Variants in ABCC4 observed in about 807,000 individuals in gnomAD.
ABCC4 encodes the protein ATP binding cassette subfamily C member 4 (PEL blood group).
In ABCC4, 102 loss-of-function variants were observed where a neutral mutation model predicts 168.5. That is an observed-to-expected ratio of 0.61 (90% CI 0.52 to 0.71). ABCC4 has a LOEUF of 0.71. ABCC4 is among the 30% of genes least tolerant of loss of function. ABCC4 has a pLI of 0.00. For synonymous variants in ABCC4, 617 were observed against 590.7 expected, an observed-to-expected ratio of 1.04 and a Z score of -0.65; for missense variants, 1,402 against 1,605.8, an observed-to-expected ratio of 0.87 and a Z score of 2.17.
chr13:95,111,363 C>T (rs1370563469), intron 20 of ABCC4, among the ~76,000 whole-genome samples: 1 of 152,184 alleles, frequency 6.6e-6, no homozygotes, highest in East Asian at 1.9e-4. Flanking sequence ...TCTGATTAGC[C>T]CATGGCAACC....
chr13:95,052,811 A>C (rs1216601777), intron 27 of ABCC4, among the ~76,000 whole-genome samples: 2 of 152,220 alleles, frequency 1.3e-5, no homozygotes, highest in East Asian at 3.8e-4. Context: ...TCAACTCATA[A>C]ATACAACTTC....
At chr13:95,089,500 C>T (rs1259239768) in intron 20 of ABCC4, among the ~76,000 whole-genome samples, 2 of 152,124 alleles carry the variant, frequency 1.3e-5, no homozygotes, top group Non-Finnish European at 2.9e-5. Flanking sequence ...CACCTGTAAT[C>T]CCAGCTACTT....
chr13:95,116,015 A>T lies in ABCC4; in HGVS notation c.2456-14T>A, dbSNP rs368435331. The stretch of plus-strand genomic sequence containing the variant: ...TTAAAATTCTTCCTGCAAGAACAGG[A>T]TATGAAAAATTACTCATTTCCCCAG... On this transcript the variant is annotated splice_polypyrimidine_tract_variant and intron_variant, in intron 19 of 30. Coordinates refer to ENST00000645237, the MANE Select transcript of ABCC4 (RefSeq NM_005845.5). 41 of 1,597,664 alleles carry T rather than the reference A, an allele frequency of 2.6e-5. No individual in the cohort carries two copies. Among genetic ancestry groups the T allele is most frequent in the Non-Finnish European group, 3.1e-5 (36 of 1,170,382 alleles).
At chr13:95,164,822 G>A (rs1404983100) in intron 15 of ABCC4, among the ~76,000 whole-genome samples, 1 of 152,098 alleles carries the variant, frequency 6.6e-6, no homozygotes, top group Non-Finnish European at 1.5e-5. Flanking sequence ...AGCCTCCTGA[G>A]TAGCAGGGAT....
At chr13:95,035,087 T>C (rs566718661) in intron 29 of ABCC4, among the ~76,000 whole-genome samples, 82 of 152,324 alleles carry the variant, frequency 5.4e-4, no homozygotes, top group African/African-American at 1.8e-3. Context: ...GGGGTATTTA[T>C]ACATATGATC....
At chr13:95,131,181 G>T (rs1449778224) in intron 19 of ABCC4, among the ~76,000 whole-genome samples, 1 of 152,130 alleles carries the variant, frequency 6.6e-6, no homozygotes, top group African/African-American at 2.4e-5. Flanking sequence ...AAGGAGTTAA[G>T]AAACTGTAAA....
At position 95,155,748 on chromosome 13, in the gene ABCC4, C is replaced by T. The variant is rs540900303; in HGVS notation, c.2455+5441G>A. Among the ~76,000 whole-genome samples the T allele has an allele frequency of 4.5e-4, 68 of 152,182 alleles. 1 individual carries two copies. In the South Asian group the frequency reaches 0.013, roughly 30 times the overall value. On this transcript the variant is annotated intron_variant, in intron 19 of 30. Transcript: ENST00000645237. ...TGAGAGAGTAAACAAACACTTCTAC[C>T]AACACCAGCTCTTGGGTTCTTAAAG...
intron 14 of ABCC4, among the ~76,000 whole-genome samples, chr13:95,167,536 A>C (rs1355100327): frequency 6.6e-6 from 1 of 152,176 alleles, no homozygotes; most frequent in South Asian, 2.1e-4. Flanking sequence ...CACTGAGGAA[A>C]ATCCAACGAC....
chr13:95,177,592 TG>T, intron 13 of ABCC4, 114 bp downstream of exon 13: 2 of 744,532 alleles, frequency 2.7e-6, no homozygotes, highest in Non-Finnish European at 2.2e-6. Context: ...GGGGACAGTG[TG>T]GGGAGGGGAG....
chr13:95,285,121 G>A (rs1173929027), intron 1 of ABCC4, among the ~76,000 whole-genome samples: 3 of 152,126 alleles, frequency 2.0e-5, no homozygotes, highest in African/African-American at 7.2e-5. Flanking sequence ...GGTGGCACAT[G>A]CCTGCAATCC....
At chr13:95,193,293 G>A (rs1445962397) in intron 9 of ABCC4, among the ~76,000 whole-genome samples, 6 of 152,188 alleles carry the variant, frequency 3.9e-5, no homozygotes, top group African/African-American at 9.7e-5. Context: ...AAGAGCACCC[G>A]GAGAGGGGAG....
At chr13:95,037,787 C>A (rs1190273598) in intron 29 of ABCC4, among the ~76,000 whole-genome samples, 1 of 152,186 alleles carries the variant, frequency 6.6e-6, no homozygotes, top group African/African-American at 2.4e-5. Context: ...CTTTCCACTA[C>A]AATTTGAGTC....
At chr13:95,226,961 T>C (rs961397523) in intron 4 of ABCC4, among the ~76,000 whole-genome samples, 3 of 152,228 alleles carry the variant, frequency 2.0e-5, no homozygotes, top group Non-Finnish European at 4.4e-5. Context: ...TAGTATCACA[T>C]AGGAGCTTTT....
At chr13:95,061,680 A>AC (rs997400725) in intron 26 of ABCC4, among the ~76,000 whole-genome samples, 3 of 150,846 alleles carry the variant, frequency 2.0e-5, no homozygotes, top group Non-Finnish European at 3.0e-5. Flanking sequence ...AAAAAAAAAA[A>AC]AAACCCACAT....
intron 1 of ABCC4, among the ~76,000 whole-genome samples, chr13:95,278,562 AGGTG>A: frequency 6.6e-6 from 1 of 152,278 alleles, no homozygotes; most frequent in Admixed American, 6.5e-5. Context: ...TGGGAGGCTG[AGGTG>A]GGTGGATTGC....
chr13:95,029,201 TATATATATATATAGAGAGAG>T (rs1566355354), intron 30 of ABCC4, among the ~76,000 whole-genome samples: 29 of 66,338 alleles, frequency 4.4e-4, no homozygotes, highest in African/African-American at 1.7e-3. Context: ...TATATATATA[TATATATATATATAGAGAGAG>T]AGAGAGAGAG....
At position 95,286,123 on chromosome 13, in the gene ABCC4, C is replaced by CTTTTTTTTTTTTTTTTT. The variant is rs773328777; in HGVS notation, c.74+15117_74+15118insAAAAAAAAAAAAAAAAA. ...GCTGTGAAACTGCTTTCCAGAAAAA[C>CTTTTTTTTTTTTTTTTT]TTTTTTTTTTTTTTGAGACGGAGTC... On this transcript the variant is annotated intron_variant, in intron 1 of 30. Coordinates refer to ENST00000645237, the MANE Select transcript of ABCC4 (RefSeq NM_005845.5). Among the ~76,000 whole-genome samples, 618 of 105,418 alleles carry CTTTTTTTTTTTTTTTTT rather than the reference C, an allele frequency of 5.9e-3. 73 individuals are homozygous for CTTTTTTTTTTTTTTTTT. The highest frequency in any genetic ancestry group is 8.8e-3 in the Middle Eastern group (1 of 114). The allele number at this position is 105,418 out of a possible 152,430, so 69.2% of individuals were successfully genotyped here.
chr13:95,115,273 G>GTT (rs4148522), intron 20 of ABCC4, among the ~76,000 whole-genome samples: 4,933 of 145,972 alleles, frequency 0.034, 250 homozygotes, highest in African/African-American at 0.11. Flanking sequence ...AGGATTGTTG[G>GTT]TTTTTTTTTT....
intron 19 of ABCC4, among the ~76,000 whole-genome samples, chr13:95,134,272 CAG>C (rs953491197): frequency 1.3e-5 from 2 of 152,118 alleles, no homozygotes; most frequent in Admixed American, 6.5e-5. Flanking sequence ...TGGAAGAAGA[CAG>C]TGACGTACAA....
Sources: gnomAD v4.1 joint callset for allele counts (sites outside exome capture counted in the v4.1 genomes callset) on GRCh38, gnomAD v4.1.1 for gene constraint, MANE v1.5 for transcripts, NCBI Gene and HGNC (gene_info 2026-07-23, HGNC 2026-07-21) for gene names.